The following BRF1 variants were observed in gnomAD, a reference collection of about 807,000 sequenced individuals.
The protein encoded by BRF1 is transcription factor IIIB 90 kDa subunit.
Under a neutral mutation model 81.7 loss-of-function variants are expected in BRF1, and 59 were observed. The observed-to-expected ratio is 0.72, with a 90% confidence interval of 0.59 to 0.90. The LOEUF (loss-of-function observed/expected upper bound fraction) is 0.90, where lower values mean the gene tolerates loss of function less well. Ranked by LOEUF, BRF1 falls within the 40% of genes least tolerant of loss-of-function variation. The pLI, the probability that BRF1 is intolerant of heterozygous loss-of-function variation, is 0.00. For synonymous variants in BRF1, 491 were observed against 395.6 expected (o/e 1.24, Z -2.86); for missense variants, 1,050 against 936.3 (o/e 1.12, Z -1.58).
intron 16 of BRF1, 26 bp downstream of exon 16, chr14:105,212,087 T>C: frequency 1.2e-6 from 2 of 1,610,868 alleles, no homozygotes; most frequent in African/African-American, 1.3e-5. Context: ...AAGGTCTCCC[T>C]GCCCTGGCTG....
intron 1 of BRF1, among the ~76,000 whole-genome samples, chr14:105,299,120 C>T (rs10129364): frequency 0.04 from 5,832 of 145,866 alleles, 367 homozygotes; most frequent in African/African-American, 0.14. Flanking sequence ...TTGCAGTGAG[C>T]CGAGATCGAG....
At chr14:105,289,325 C>T (rs775021445) in intron 1 of BRF1, among the ~76,000 whole-genome samples, 6 of 152,174 alleles carry the variant, frequency 3.9e-5, no homozygotes, top group Non-Finnish European at 8.8e-5. Flanking sequence ...CTGAGCAACA[C>T]GGTGAGAACC....
chr14:105,215,892 CACAGGCACACACACACTGCATACGCAG>C (rs374712928), intron 15 of BRF1, among the ~76,000 whole-genome samples: 13 of 149,582 alleles, frequency 8.7e-5, no homozygotes, highest in Admixed American at 6.7e-4. Flanking sequence ...GGCATACAGA[CACAGGCACACACACACTGCATACGCAG>C]ACAGGCACAC....
intron 2 of BRF1, among the ~76,000 whole-genome samples, chr14:105,277,660 G>C (rs890713170): frequency 6.6e-6 from 1 of 152,246 alleles, no homozygotes; most frequent in African/African-American, 2.4e-5. Flanking sequence ...ACACATTCCT[G>C]CTGTTTTGCC....
At chr14:105,306,287 G>GTTTGTTTTGT (rs202210208) in intron 1 of BRF1, among the ~76,000 whole-genome samples, 1,884 of 151,494 alleles carry the variant, frequency 0.012, 41 homozygotes, top group African/African-American at 0.043. Context: ...TTGTTTTTGG[G>GTTTGTTTTGT]TTTGTTTTGT....
intron 15 of BRF1, among the ~76,000 whole-genome samples, chr14:105,215,010 G>A (rs1362014458): frequency 6.6e-6 from 1 of 152,198 alleles, no homozygotes; most frequent in Non-Finnish European, 1.5e-5. Flanking sequence ...GGCCTGAGTG[G>A]GGGTGGGAGT....
At chr14:105,227,090 T>C in intron 7 of BRF1, 1 of 280,058 alleles carries the variant, frequency 3.6e-6, no homozygotes, top group Non-Finnish European at 6.7e-6. Flanking sequence ...GCCTCCAGCC[T>C]GGGCAGCAGA....
At chr14:105,311,044 C>A (rs1486050883) in intron 1 of BRF1, among the ~76,000 whole-genome samples, 2 of 152,144 alleles carry the variant, frequency 1.3e-5, no homozygotes. Context: ...CCTCTGCCTG[C>A]TGGGTTCAAG....
chr14:105,297,492 C>T (rs1191149426), intron 1 of BRF1, among the ~76,000 whole-genome samples: 1 of 151,898 alleles, frequency 6.6e-6, no homozygotes. Flanking sequence ...ATCACTTGAA[C>T]TCGGGAGGCG....
Position 105,254,288 on chromosome 14 carries a change from GCT to G in BRF1, c.472-1711_472-1710del, listed in dbSNP as rs1358469534. On this transcript the variant is annotated intron_variant, in intron 4 of 17. Coordinates refer to ENST00000547530, the MANE Select transcript of BRF1 (RefSeq NM_001519.4). Reference sequence around the variant, plus strand: ...TTGTTTGTTTTTGAGACGGAGTCTTGCTCTGTCGCCCAGGCTGGAGTGCAGTG... The same window carrying G: ...TTGTTTGTTTTTGAGACGGAGTCTTGCTGTCGCCCAGGCTGGAGTGCAGTG... 2.0e-5 allele frequency among the ~76,000 whole-genome samples: 3 copies of G among 152,338 alleles called. No homozygotes were observed. In the East Asian group the frequency reaches 5.8e-4, roughly 29 times the overall value.
At chr14:105,274,061 G>A (rs1214740693) in intron 2 of BRF1, among the ~76,000 whole-genome samples, 3 of 152,232 alleles carry the variant, frequency 2.0e-5, no homozygotes, top group South Asian at 2.1e-4. Context: ...GCCCTATGGC[G>A]GGAGATTAGA....
Position 105,228,812 on chromosome 14 carries a change from C to G in BRF1, c.788+8G>C. 1 of 1,613,672 alleles carries G rather than the reference C, an allele frequency of 6.2e-7. No individual in the cohort carries two copies. On this transcript the variant is annotated splice_region_variant and intron_variant, in intron 7 of 17. Transcript: ENST00000547530. The stretch of plus-strand genomic sequence containing the variant: ...GTGGTCCCCATGCCATGAATGAGAG[C>G]CCCTCACCTCTTCCGCAGCGTGGAC...
At position 105,270,298 on chromosome 14, in the gene BRF1, C is replaced by T. The variant is rs375299543; in HGVS notation, c.439+2423G>A. Among the ~76,000 whole-genome samples the T allele has an allele frequency of 3.2e-4, 49 of 151,904 alleles. No homozygotes were observed. In the East Asian group the frequency reaches 7.1e-3, roughly 22 times the overall value. On this transcript the variant is annotated intron_variant, in intron 3 of 17. Transcript: ENST00000547530. ...CCGCCATTCTCCTGCCTCAGCCTCC[C>T]GAGTAGCTGGGACTACAGGAGCCTG...
chr14:105,265,390 A>G (rs1168330303), intron 3 of BRF1, among the ~76,000 whole-genome samples: 1 of 152,202 alleles, frequency 6.6e-6, no homozygotes, highest in Non-Finnish European at 1.5e-5. Flanking sequence ...CTGGATAAAC[A>G]CAAAGAAAAC....
At chr14:105,219,092 C>G in intron 13 of BRF1, 39 bp from the exon 14 acceptor site, 1 of 1,613,974 alleles carries the variant, frequency 6.2e-7, no homozygotes, top group South Asian at 1.1e-5. Flanking sequence ...ACTGAGGGCC[C>G]ACGCCCCAGG....
chr14:105,222,091 G>A, intron 10 of BRF1, 177 bp from the exon 11 acceptor site: 2 of 699,938 alleles, frequency 2.9e-6, no homozygotes, highest in Non-Finnish European at 4.4e-6. Flanking sequence ...GCACGCGGAA[G>A]TTAGCTCAAA....
At chr14:105,260,126 A>G (rs2056079968) in intron 3 of BRF1, among the ~76,000 whole-genome samples, 1 of 152,168 alleles carries the variant, frequency 6.6e-6, no homozygotes, top group East Asian at 1.9e-4. Context: ...AGATGGAGCA[A>G]TTAGGGCCTG....
chr14:105,282,657 G>T (rs995570075), intron 2 of BRF1, among the ~76,000 whole-genome samples: 1 of 152,248 alleles, frequency 6.6e-6, no homozygotes, highest in Non-Finnish European at 1.5e-5. Context: ...ATACAGCCAG[G>T]TGTAGTGGCT....
At position 105,296,177 on chromosome 14, in the gene BRF1, C is replaced by T. The variant is rs1771937844; in HGVS notation, c.184+4269G>A. Among the ~76,000 whole-genome samples the T allele has an allele frequency of 2.0e-5, 3 of 151,818 alleles. No individual in the cohort carries two copies. In the South Asian group the frequency reaches 6.2e-4, roughly 32 times the overall value. Reference sequence around the variant, plus strand: ...CCTGTAATCCCAGCACTTTGGGAGGCCAAGGCGGGTGGATCGCCTGGCCAA... The same window carrying T: ...CCTGTAATCCCAGCACTTTGGGAGGTCAAGGCGGGTGGATCGCCTGGCCAA... On this transcript the variant is annotated intron_variant, in intron 1 of 17. Coordinates refer to ENST00000547530, the MANE Select transcript of BRF1 (RefSeq NM_001519.4).
Sources: allele counts gnomAD v4.1 joint callset (sites outside exome capture counted in the v4.1 genomes callset), GRCh38; gene constraint gnomAD v4.1.1; transcripts MANE v1.5; gene names NCBI Gene and HGNC (gene_info 2026-07-23, HGNC 2026-07-21).